STX8: variants seen among roughly 807,000 people sequenced by gnomAD.
STX8 encodes syntaxin-8.
A neutral mutation model predicts 37.5 loss-of-function variants in STX8; 23 were observed. The ratio of observed to expected loss-of-function variants is 0.61; its 90% confidence interval spans 0.44 to 0.87. STX8 has a LOEUF of 0.87. Among genes scored for constraint, STX8 ranks in the 40% least tolerant of loss-of-function variants. The probability of loss-of-function intolerance (pLI) is 0.00; values close to 1 mark genes in which losing one functional copy is unlikely to be tolerated. For missense variants in STX8, 313 were observed against 284.7 expected, an observed-to-expected ratio of 1.10 and a Z score of -0.71; for synonymous variants, 115 against 99.1, an observed-to-expected ratio of 1.16 and a Z score of -0.95.
intron 6 of STX8, among the ~76,000 whole-genome samples, chr17:9,422,490 A>C (rs1470489869): frequency 6.6e-6 from 1 of 152,202 alleles, no homozygotes; most frequent in Non-Finnish European, 1.5e-5. Context: ...ACCAATCTGA[A>C]TTACGGCTCC....
At chr17:9,522,553 A>C (rs1415897660) in intron 4 of STX8, among the ~76,000 whole-genome samples, 1 of 151,592 alleles carries the variant, frequency 6.6e-6, no homozygotes, top group African/African-American at 2.4e-5. Context: ...AAAAAAAAAA[A>C]AAAAAAAAAA....
At chr17:9,304,924 A>AAAAAT (rs1555592975) in intron 7 of STX8, among the ~76,000 whole-genome samples, 2 of 135,006 alleles carry the variant, frequency 1.5e-5, no homozygotes, top group African/African-American at 6.7e-5. Context: ...CGAAAAAAAA[A>AAAAAT]ATATGTATAT....
chr17:9,339,767 C>T (rs1207919682), intron 7 of STX8, among the ~76,000 whole-genome samples: 2 of 152,154 alleles, frequency 1.3e-5, no homozygotes, highest in Non-Finnish European at 2.9e-5. Flanking sequence ...TCTGTCATCA[C>T]ATATATAAGA....
Position 9,396,734 on chromosome 17 carries a change from C to T in STX8, c.542-18081G>A, listed in dbSNP as rs76868916. Among the ~76,000 whole-genome samples the T allele has an allele frequency of 9.1e-3, 1,365 of 150,780 alleles. 21 individuals carry two copies. The highest frequency in any genetic ancestry group is 0.031 in the African/African-American group (1,266 of 40,998). On this transcript the variant is annotated intron_variant, in intron 6 of 7. Transcript: ENST00000306357. ...CATCTGAAAAAAAAAAAAAACAACT[C>T]TATATGATACTGTAAAGATAGACAG... is the stretch of plus-strand genomic sequence containing the variant.
At chr17:9,517,174 A>G (rs1905181447) in intron 4 of STX8, among the ~76,000 whole-genome samples, 1 of 151,884 alleles carries the variant, frequency 6.6e-6, no homozygotes, top group Non-Finnish European at 1.5e-5. Flanking sequence ...ACTCCTCCTT[A>G]TCTTGCTTAA....
intron 7 of STX8, among the ~76,000 whole-genome samples, chr17:9,295,522 A>G (rs1010362496): frequency 1.3e-5 from 2 of 152,190 alleles, no homozygotes; most frequent in Non-Finnish European, 2.9e-5. Flanking sequence ...AGGCGGGCAA[A>G]TCACGAGGTC....
intron 6 of STX8, among the ~76,000 whole-genome samples, chr17:9,457,155 A>G (rs1905207857): frequency 6.6e-6 from 1 of 152,198 alleles, no homozygotes; most frequent in Non-Finnish European, 1.5e-5. Flanking sequence ...CTAGTTTCCT[A>G]CTGCTGCTAT....
At chr17:9,327,750 A>G (rs1261540916) in intron 7 of STX8, among the ~76,000 whole-genome samples, 3 of 152,114 alleles carry the variant, frequency 2.0e-5, no homozygotes. Context: ...ATCACGGCTC[A>G]CTGCAGCCTC....
rs115569801 is a variant in STX8, at chr17:9,521,373, A to T, written c.324-16211T>A. ...GGATATAGGGAATAAAGATTGCCAA[A>T]CCTATGTGACTTGAAGAAATTGACA... On this transcript the variant is annotated intron_variant, in intron 4 of 7. Transcript: ENST00000306357. 7.3e-3 allele frequency among the ~76,000 whole-genome samples: 1,105 copies of T among 152,350 alleles called. 16 individuals are homozygous for T. The highest frequency in any genetic ancestry group is 0.026 in the African/African-American group (1,065 of 41,580).
intron 7 of STX8, among the ~76,000 whole-genome samples, chr17:9,278,938 A>G (rs1907780349): frequency 6.6e-6 from 1 of 152,192 alleles, no homozygotes; most frequent in Admixed American, 6.5e-5. Flanking sequence ...AAGCATTTAC[A>G]GAGAGTCTAT....
intron 7 of STX8, among the ~76,000 whole-genome samples, chr17:9,264,851 C>T (rs905788658): frequency 2.0e-5 from 3 of 152,062 alleles, no homozygotes; most frequent in Non-Finnish European, 2.9e-5. Context: ...CAGTGGCTCA[C>T]GCCTGTAATC....
intron 7 of STX8, among the ~76,000 whole-genome samples, chr17:9,331,086 G>A (rs1909948147): frequency 6.6e-6 from 1 of 152,186 alleles, no homozygotes; most frequent in Non-Finnish European, 1.5e-5. Flanking sequence ...TGTCGGAGAA[G>A]CCCTCAGAGG....
At chr17:9,432,121 AAAC>A (rs1425184843) in intron 6 of STX8, among the ~76,000 whole-genome samples, 3 of 152,182 alleles carry the variant, frequency 2.0e-5, no homozygotes, top group South Asian at 2.1e-4. Context: ...TCAAGCAGGA[AAAC>A]AACTGCTTTT....
At position 9,327,234 on chromosome 17, in the gene STX8, GGAGGACA is replaced by G. The variant is rs1259659236; in HGVS notation, c.643+51311_643+51317del. Among the ~76,000 whole-genome samples, 1,231 of 143,480 alleles carry G rather than the reference GGAGGACA, an allele frequency of 8.6e-3. 22 individuals are homozygous for G. The highest frequency in any genetic ancestry group is 0.033 in the African/African-American group (1,169 of 35,692). 94.1% of individuals were successfully genotyped at this position (143,480 alleles called of 152,430 possible). On this transcript the variant is annotated intron_variant, in intron 7 of 7. Coordinates refer to ENST00000306357, the MANE Select transcript of STX8 (RefSeq NM_004853.3). ...AGGAAGAAGGAGGAAGAAGGAGGAA[GGAGGACA>G]GAGGAGGAAGGAGGAAGGAGGAGGA...
intron 5 of STX8, among the ~76,000 whole-genome samples, chr17:9,494,362 C>T (rs1192795938): frequency 1.3e-5 from 2 of 150,950 alleles, no homozygotes; most frequent in Non-Finnish European, 3.0e-5. Context: ...GGCGCAGTGG[C>T]TCACGCCTGT....
chr17:9,322,474 A>T (rs1597603674), intron 7 of STX8, among the ~76,000 whole-genome samples: 6 of 152,338 alleles, frequency 3.9e-5, no homozygotes, highest in African/African-American at 1.4e-4. Flanking sequence ...CTGAGGACCA[A>T]GCCCAGCAGG....
At chr17:9,296,062 T>C (rs571767606) in intron 7 of STX8, among the ~76,000 whole-genome samples, 3 of 152,054 alleles carry the variant, frequency 2.0e-5, no homozygotes, top group Non-Finnish European at 2.9e-5. Flanking sequence ...CGGTGGCGGG[T>C]GCCTGTAGTC....
chr17:9,279,061 G>GTTTTT (rs1479426591), intron 7 of STX8, among the ~76,000 whole-genome samples: 1 of 98,318 alleles, frequency 1.0e-5, no homozygotes, highest in East Asian at 2.8e-4. Flanking sequence ...TGTGTTTTTT[G>GTTTTT]TTTTTTGTTT....
At chr17:9,287,695 A>C (rs1908129463) in intron 7 of STX8, among the ~76,000 whole-genome samples, 1 of 152,128 alleles carries the variant, frequency 6.6e-6, no homozygotes, top group South Asian at 2.1e-4. Flanking sequence ...GCTTCTGTGA[A>C]ATCTGCAATT....
Sources: allele counts gnomAD v4.1 joint callset (sites outside exome capture counted in the v4.1 genomes callset), GRCh38; gene constraint gnomAD v4.1.1; transcripts MANE v1.5; gene names NCBI Gene and HGNC (gene_info 2026-07-23, HGNC 2026-07-21).